The following RERE variants were observed in gnomAD, a reference collection of about 807,000 sequenced individuals.
The protein encoded by RERE is arginine-glutamic acid dipeptide repeats protein.
RERE carries 40 observed loss-of-function variants against 146.1 expected under a neutral mutation model. That is an observed-to-expected ratio of 0.27 (90% CI 0.21 to 0.36). RERE has a LOEUF of 0.36. Ranked by LOEUF, RERE falls within the 10% of genes least tolerant of loss-of-function variation. The pLI, the probability that RERE is intolerant of heterozygous loss-of-function variation, is 1.00. For missense variants in RERE, 1,933 were observed against 2,138.7 expected (o/e 0.90, Z 1.90); for synonymous variants, 1,003 against 866.0 (o/e 1.16, Z -2.78).
At chr1:8,526,314 G>A (rs1645570823) in intron 7 of RERE, among the ~76,000 whole-genome samples, 1 of 145,820 alleles carries the variant, frequency 6.9e-6, no homozygotes, top group African/African-American at 2.5e-5. Flanking sequence ...TTTTTTTAAG[G>A]TAAATGGTGA....
At chr1:8,396,764 C>CA (rs1263637228) in intron 12 of RERE, among the ~76,000 whole-genome samples, 1 of 152,108 alleles carries the variant, frequency 6.6e-6, no homozygotes, top group Non-Finnish European at 1.5e-5. Flanking sequence ...GATCTAATTC[C>CA]AAAACGCTTT....
chr1:8,764,448 T>A (rs925967492), intron 1 of RERE, among the ~76,000 whole-genome samples: 6 of 152,182 alleles, frequency 3.9e-5, no homozygotes, highest in Non-Finnish European at 7.3e-5. Context: ...GCTACAGTCA[T>A]CTATGTATTC....
At chr1:8,707,076 T>C (rs1030091098) in intron 1 of RERE, among the ~76,000 whole-genome samples, 5 of 152,234 alleles carry the variant, frequency 3.3e-5, no homozygotes, top group Non-Finnish European at 1.5e-5. Context: ...TTGCTTCTTT[T>C]TGTCCTAAGC....
At chr1:8,395,704 C>A (rs1570134420) in intron 12 of RERE, among the ~76,000 whole-genome samples, 1 of 152,038 alleles carries the variant, frequency 6.6e-6, no homozygotes. Context: ...TTCCTAAATT[C>A]TTTTGTGGGA....
In RERE at chr1:8,563,617, T is replaced by C. The variant is rs78855832; in HGVS notation, c.523-6094A>G. The stretch of plus-strand genomic sequence containing the variant: ...ATGGATATTAGCAAATAAATAACTT[T>C]GCCAAGTCAAAACAATCTGCTGGAG... On this transcript the variant is annotated intron_variant, in intron 4 of 22. Transcript: ENST00000400908. Among the ~76,000 whole-genome samples, 1,454 of 152,294 alleles carry C rather than the reference T, an allele frequency of 9.5e-3. 9 individuals are homozygous for C. The highest frequency in any genetic ancestry group is 0.013 in the Non-Finnish European group (902 of 68,020).
chr1:8,580,981 T>A (rs895038836), intron 4 of RERE, among the ~76,000 whole-genome samples: 3 of 152,080 alleles, frequency 2.0e-5, no homozygotes, highest in Non-Finnish European at 4.4e-5. Context: ...GGATTACAGG[T>A]GTGAGCAACC....
intron 7 of RERE, among the ~76,000 whole-genome samples, chr1:8,514,353 C>G (rs1645382737): frequency 6.6e-6 from 1 of 152,198 alleles, no homozygotes; most frequent in Non-Finnish European, 1.5e-5. Flanking sequence ...CTCGACGGAA[C>G]CAAGGCTTCT....
chr1:8,656,083 G>C lies in RERE; in HGVS notation c.215C>G (p.Thr72Arg), dbSNP rs116282153. 4 of 1,613,570 alleles carry C rather than the reference G, an allele frequency of 2.5e-6. No individual in the cohort carries two copies. The highest frequency in any genetic ancestry group is 3.4e-6 in the Non-Finnish European group (4 of 1,179,896). The change falls in exon 2 of 23, where the codon ACG becomes AGG. Residue 72 changes from threonine (T) to arginine (R), a missense_variant. Transcript: ENST00000400908. ...DNNSATAEES[T>R]KKNKKKPPKK... ...CGGTGGTTTCTTCTTATTCTTCTTC[G>C]TGGACTCCTCTGCGGTGGCACTATT...
chr1:8,554,516 A>C (rs1645980704), intron 6 of RERE, among the ~76,000 whole-genome samples: 1 of 151,810 alleles, frequency 6.6e-6, no homozygotes, highest in Non-Finnish European at 1.5e-5. Context: ...GTAAAAGCTC[A>C]TCTCTATGAA....
At chr1:8,577,282 G>A (rs1199957203) in intron 4 of RERE, among the ~76,000 whole-genome samples, 1 of 151,894 alleles carries the variant, frequency 6.6e-6, no homozygotes, top group Admixed American at 6.6e-5. Context: ...CAGGGTGTTT[G>A]TTTATGTCAT....
chr1:8,566,141 T>C (rs1646149696), intron 4 of RERE, among the ~76,000 whole-genome samples: 1 of 152,198 alleles, frequency 6.6e-6, no homozygotes, highest in Non-Finnish European at 1.5e-5. Context: ...TGGTGTATTT[T>C]AGTGTAGCGC....
In RERE at chr1:8,708,904, A is replaced by AG. The variant is rs1328088033; in HGVS notation, c.-144-52464dup. On this transcript the variant is annotated intron_variant, in intron 1 of 22. Coordinates refer to ENST00000400908, the MANE Select transcript of RERE (RefSeq NM_001042681.2). ...TGTCACTAGACAACAAAAACTCTGG[A>AG]GTTTTTTTTTTTTTTTTTTTTTTTT... 2.9e-5 allele frequency among the ~76,000 whole-genome samples: 3 copies of AG among 104,042 alleles called. No homozygotes were observed. In the South Asian group the frequency reaches 9.1e-4, roughly 31 times the overall value. 68.3% of individuals were successfully genotyped at this position (104,042 alleles called of 152,430 possible).
chr1:8,608,217 C>T (rs955183044), intron 4 of RERE, among the ~76,000 whole-genome samples: 88 of 152,094 alleles, frequency 5.8e-4, no homozygotes, highest in African/African-American at 1.9e-3. Context: ...TCAACTAGTA[C>T]GGAACAAGGG....
At chr1:8,618,110 A>G (rs1031745435) in intron 3 of RERE, among the ~76,000 whole-genome samples, 1 of 152,236 alleles carries the variant, frequency 6.6e-6, no homozygotes, top group Non-Finnish European at 1.5e-5. Flanking sequence ...TACTGTGGAC[A>G]TTACAGCCAG....
intron 7 of RERE, among the ~76,000 whole-genome samples, chr1:8,526,987 G>A (rs1339599981): frequency 6.6e-6 from 1 of 152,138 alleles, no homozygotes; most frequent in African/African-American, 2.4e-5. Context: ...GGCAGGAAAG[G>A]GCAGTGCCAA....
intron 3 of RERE, among the ~76,000 whole-genome samples, chr1:8,620,799 T>A (rs529560193): frequency 1.3e-5 from 2 of 151,846 alleles, no homozygotes; most frequent in Admixed American, 1.3e-4. Flanking sequence ...CCTGAGCTCC[T>A]GCTTTTGACT....
At chr1:8,561,727 A>ACTG (rs975633138) in intron 4 of RERE, among the ~76,000 whole-genome samples, 3 of 152,244 alleles carry the variant, frequency 2.0e-5, no homozygotes, top group African/African-American at 7.2e-5. Flanking sequence ...GAAGCTGGCC[A>ACTG]CTGCTATAAT....
At chr1:8,556,367 G>A (rs1570433987) in intron 6 of RERE, 108 bp downstream of exon 6, 1 of 669,492 alleles carries the variant, frequency 1.5e-6, no homozygotes, top group East Asian at 2.6e-5. Flanking sequence ...GGCCAAAAGA[G>A]GAGTCTGATT....
chr1:8,756,339 T>G (rs907270510), intron 1 of RERE, among the ~76,000 whole-genome samples: 2 of 152,222 alleles, frequency 1.3e-5, no homozygotes. Context: ...ATTCAAATTA[T>G]TGCATTTTTA....
Sources: gnomAD v4.1 joint callset for allele counts (sites outside exome capture counted in the v4.1 genomes callset) on GRCh38, gnomAD v4.1.1 for gene constraint, MANE v1.5 for transcripts, NCBI Gene and HGNC (gene_info 2026-07-23, HGNC 2026-07-21) for gene names.